Variants in FSTL5 observed in about 807,000 individuals in gnomAD.
FSTL5 encodes follistatin-related protein 5.
A neutral mutation model predicts 89.1 loss-of-function variants in FSTL5; 62 were observed. The observed-to-expected ratio is 0.70, with a 90% CI of 0.57 to 0.86. The LOEUF (loss-of-function observed/expected upper bound fraction) is 0.86. FSTL5 is among the 40% of genes least tolerant of loss of function. The pLI is 0.00. For missense variants in FSTL5, 1,057 were observed against 1,001.6 expected (o/e 1.06, Z -0.75); for synonymous variants, 383 against 346.2 (o/e 1.11, Z -1.18).
At chr4:161,803,388 A>C (rs1222502147) in intron 4 of FSTL5, among the ~76,000 whole-genome samples, 1 of 151,972 alleles carries the variant, frequency 6.6e-6, no homozygotes, top group Non-Finnish European at 1.5e-5. Flanking sequence ...CATAATTGTC[A>C]ATTTTCAAAG....
At chr4:161,569,112 C>G (rs546893513) in intron 8 of FSTL5, among the ~76,000 whole-genome samples, 18 of 152,280 alleles carry the variant, frequency 1.2e-4, no homozygotes, top group African/African-American at 4.3e-4. Context: ...TCCTTAGTAT[C>G]TGAGACTACA....
chr4:161,693,726 C>A lies in FSTL5; in HGVS notation c.728-37232G>T, dbSNP rs536684785. Among the ~76,000 whole-genome samples, 887 of 142,510 alleles carry A rather than the reference C, an allele frequency of 6.2e-3. 13 individuals carry two copies. Among genetic ancestry groups the A allele is most frequent in the South Asian group, 0.047 (217 of 4,574 alleles). 93.5% of individuals were successfully genotyped at this position (142,510 alleles called of 152,430 possible). ...CGATCTCAGCTCACTGCAAGCTCTG[C>A]ATCCCGGGTTCACGCCATTCTCCTG... On this transcript the variant is annotated intron_variant, in intron 6 of 15. Coordinates refer to ENST00000306100, the MANE Select transcript of FSTL5 (RefSeq NM_020116.5).
chr4:161,860,808 G>A (rs989078161), intron 4 of FSTL5, among the ~76,000 whole-genome samples: 1 of 152,056 alleles, frequency 6.6e-6, no homozygotes, highest in Non-Finnish European at 1.5e-5. Context: ...AAATGCCTAG[G>A]TGTACCCTGT....
At chr4:161,681,458 T>A (rs1161986264) in intron 6 of FSTL5, among the ~76,000 whole-genome samples, 1 of 152,100 alleles carries the variant, frequency 6.6e-6, no homozygotes, top group Non-Finnish European at 1.5e-5. Flanking sequence ...ATTAGGGGTA[T>A]ACTAAACATA....
At chr4:161,693,490 A>G (rs1404501213) in intron 6 of FSTL5, among the ~76,000 whole-genome samples, 1 of 152,066 alleles carries the variant, frequency 6.6e-6, no homozygotes, top group Non-Finnish European at 1.5e-5. Flanking sequence ...TAACTGACTC[A>G]ATATATTTTC....
intron 15 of FSTL5, among the ~76,000 whole-genome samples, chr4:161,405,321 A>G (rs1360334849): frequency 1.3e-5 from 2 of 152,172 alleles, no homozygotes; most frequent in Admixed American, 1.3e-4. Context: ...AAGCTAAAGG[A>G]AACTAGGAGA....
intron 8 of FSTL5, among the ~76,000 whole-genome samples, chr4:161,575,209 A>T (rs920088420): frequency 6.6e-6 from 1 of 151,932 alleles, no homozygotes; most frequent in African/African-American, 2.4e-5. Flanking sequence ...TTTTCTTGTA[A>T]ATTTGTTTAA....
intron 8 of FSTL5, among the ~76,000 whole-genome samples, chr4:161,574,015 C>T (rs1733124602): frequency 6.6e-6 from 1 of 152,090 alleles, no homozygotes; most frequent in South Asian, 2.1e-4. Context: ...AAGATGTCTG[C>T]ATTTATTGGC....
intron 15 of FSTL5, among the ~76,000 whole-genome samples, chr4:161,411,462 A>G (rs1268998441): frequency 6.6e-6 from 1 of 152,210 alleles, no homozygotes; most frequent in East Asian, 1.9e-4. Context: ...AATAAAATCC[A>G]GTAGCATATC....
intron 4 of FSTL5, among the ~76,000 whole-genome samples, chr4:161,783,740 C>CT (rs1741778297): frequency 1.3e-5 from 1 of 78,350 alleles, no homozygotes; most frequent in African/African-American, 5.0e-5. Context: ...TCTTTTCTTT[C>CT]TTTCTTTCTT....
intron 4 of FSTL5, among the ~76,000 whole-genome samples, chr4:161,850,488 GCAGGTGT>G (rs1188003272): frequency 6.6e-6 from 1 of 151,578 alleles, no homozygotes; most frequent in Admixed American, 6.6e-5. Context: ...TTGTGCATGT[GCAGGTGT>G]GCGTATGCTG....
At chr4:162,110,819 T>C (rs1184895059) in intron 2 of FSTL5, among the ~76,000 whole-genome samples, 1 of 151,852 alleles carries the variant, frequency 6.6e-6, no homozygotes, top group Non-Finnish European at 1.5e-5. Flanking sequence ...TAAAAATTTC[T>C]ATGGAAAGAA....
At chr4:162,060,786 A>G (rs1388763247) in intron 2 of FSTL5, among the ~76,000 whole-genome samples, 1 of 152,050 alleles carries the variant, frequency 6.6e-6, no homozygotes, top group Non-Finnish European at 1.5e-5. Context: ...TTTGAGAAAA[A>G]TTTATTTAAA....
intron 8 of FSTL5, among the ~76,000 whole-genome samples, chr4:161,583,279 T>C (rs1398772378): frequency 6.6e-6 from 1 of 152,170 alleles, no homozygotes; most frequent in African/African-American, 2.4e-5. Context: ...TGTTTCCCTG[T>C]TGAAAGGTCT....
chr4:162,063,988 A>G (rs1738804799), intron 2 of FSTL5, among the ~76,000 whole-genome samples: 1 of 151,990 alleles, frequency 6.6e-6, no homozygotes, highest in Non-Finnish European at 1.5e-5. Flanking sequence ...ACATGTGAAG[A>G]AATACACTTT....
chr4:162,047,794 C>T (rs1411923417), intron 2 of FSTL5, among the ~76,000 whole-genome samples: 4 of 151,006 alleles, frequency 2.6e-5, no homozygotes, highest in Admixed American at 2.6e-4. Context: ...CACTGCACTC[C>T]AGCCCGGGCA....
intron 10 of FSTL5, among the ~76,000 whole-genome samples, chr4:161,530,943 A>C (rs1438992186): frequency 1.3e-5 from 2 of 152,136 alleles, no homozygotes; most frequent in Non-Finnish European, 2.9e-5. Context: ...TCAAATAAAT[A>C]ATGTGTTACC....
intron 15 of FSTL5, among the ~76,000 whole-genome samples, chr4:161,392,835 T>C (rs148213699): frequency 1.4e-4 from 22 of 152,106 alleles, no homozygotes; most frequent in African/African-American, 5.1e-4. Flanking sequence ...GTTTATAAAG[T>C]ACAGAGGTAA....
chr4:161,743,125 T>C (rs1740084996), intron 6 of FSTL5, among the ~76,000 whole-genome samples: 1 of 152,150 alleles, frequency 6.6e-6, no homozygotes, highest in African/African-American at 2.4e-5. Context: ...TTATAGCCCA[T>C]AAAACATTAC....
Sources: allele counts gnomAD v4.1 joint callset (sites outside exome capture counted in the v4.1 genomes callset), GRCh38; gene constraint gnomAD v4.1.1; transcripts MANE v1.5; gene names NCBI Gene and HGNC (gene_info 2026-07-23, HGNC 2026-07-21).